LARS1: variants seen among roughly 807,000 people sequenced by gnomAD.
LARS1 encodes leucyl-tRNA synthetase 1.
Under a neutral mutation model 162.8 loss-of-function variants are expected in LARS1, and 100 were observed. The observed-to-expected ratio is 0.61, with a 90% CI of 0.52 to 0.73. The LOEUF (loss-of-function observed/expected upper bound fraction) is 0.73, where lower values mean the gene tolerates loss of function less well. Among genes scored for constraint, LARS1 ranks in the 30% least tolerant of loss-of-function variants. The probability of loss-of-function intolerance (pLI) is 0.00; values close to 1 mark genes in which losing one functional copy is unlikely to be tolerated. For missense variants in LARS1, 1,258 were observed against 1,408.9 expected (o/e 0.89, Z 1.71); for synonymous variants, 457 against 462.8 (o/e 0.99, Z 0.16).
At chr5:146,177,997 C>G (rs1046533105) in intron 1 of LARS1, among the ~76,000 whole-genome samples, 1 of 151,942 alleles carries the variant, frequency 6.6e-6, no homozygotes, top group Non-Finnish European at 1.5e-5. Flanking sequence ...ACTCAGGAGG[C>G]TGAGGCAGGA....
Position 146,160,451 on chromosome 5 carries a change from A to G in LARS1, c.630T>C (p.Val210=), listed in dbSNP as rs772435685. The G allele has an allele frequency of 6.3e-7, 1 of 1,583,212 alleles. No individual in the cohort carries two copies. Among genetic ancestry groups the G allele is most frequent in the South Asian group, 1.2e-5 (1 of 86,742 alleles). ...DWRRSFITTD[V]NPYYDSFVRW... ...TGACAAATGAATCATAGTAAGGATT[A>G]ACATCAGTGGTGATGAAGGAACGAC... is the stretch of plus-strand genomic sequence containing the variant. The change falls in exon 7 of 32, where the codon GTT becomes GTC. Residue 210 remains valine (V), a synonymous_variant. Transcript: ENST00000394434.
chr5:146,120,432 C>T lies in LARS1; in HGVS notation c.3264G>A (p.Arg1088=). 1.9e-6 allele frequency: 3 copies of T among 1,613,350 alleles called. No individual in the cohort carries two copies. The highest frequency in any genetic ancestry group is 2.5e-6 in the Non-Finnish European group (3 of 1,179,488). The part of the protein sequence containing the change: ...NGHFSTKIEI[R]QGDNCDSIIR... ...TTATGGAATCACAGTTATCTCCTTG[C>T]CTGATTTCAATTTTGGTTGAGAAGT... is the stretch of plus-strand genomic sequence containing the variant. Residue 1088 remains arginine (R), a synonymous_variant, in exon 31 of 32, where the codon AGG becomes AGA. Transcript: ENST00000394434.
At chr5:146,143,214 A>G (rs915065591) in intron 19 of LARS1, 130 bp from the exon 20 acceptor site, 1 of 811,090 alleles carries the variant, frequency 1.2e-6, no homozygotes, top group African/African-American at 1.7e-5. Context: ...AATAAGGACA[A>G]CAGCTTCCAT....
At chr5:146,138,119 CAAAA>C (rs35849077) in intron 21 of LARS1, 8 of 118,566 alleles carry the variant, frequency 6.7e-5, no homozygotes, top group South Asian at 2.8e-4. Context: ...GACTCTATCT[CAAAA>C]AAAAAAAAAA....
rs1280074696 is a variant in LARS1 at position 146,131,120 on chromosome 5, CG to C, written c.2397-12del. 2.8e-5 allele frequency: 40 copies of C among 1,412,502 alleles called. No individual in the cohort carries two copies. Among genetic ancestry groups the C allele is most frequent in the Non-Finnish European group, 3.7e-5 (38 of 1,026,002 alleles). The allele number at this position is 1,412,502 out of a possible 1,614,324, so 87.5% of individuals were successfully genotyped here. The stretch of plus-strand genomic sequence containing the variant: ...CCTGCATTCAATTCACTATTGAATA[CG>C]GGGAAAAAAAGGTTATTGAGTTTAA... On this transcript the variant is annotated splice_polypyrimidine_tract_variant and intron_variant, in intron 23 of 31. Coordinates refer to ENST00000394434, the MANE Select transcript of LARS1 (RefSeq NM_020117.11).
chr5:146,182,247 C>A (rs549371507), intron 1 of LARS1: 63 of 572,948 alleles, frequency 1.1e-4, no homozygotes, highest in Non-Finnish European at 1.9e-4. Context: ...GGCTCTCCAC[C>A]TCGATTTTAG....
intron 26 of LARS1, 32 bp from the exon 27 acceptor site, chr5:146,128,814 T>C (rs367860555): frequency 6.4e-7 from 1 of 1,569,890 alleles, no homozygotes; most frequent in Non-Finnish European, 8.7e-7. Context: ...AAACATTCAA[T>C]AGCTTTTATA....
At chr5:146,169,550 T>C (rs916928225) in intron 4 of LARS1, among the ~76,000 whole-genome samples, 12 of 151,824 alleles carry the variant, frequency 7.9e-5, no homozygotes, top group African/African-American at 2.7e-4. Flanking sequence ...TTTTAATTTC[T>C]TTCTTTTTTT....
chr5:146,116,163 G>A (rs1015899241), intron 31 of LARS1, among the ~76,000 whole-genome samples: 1 of 152,184 alleles, frequency 6.6e-6, no homozygotes, highest in African/African-American at 2.4e-5. Flanking sequence ...AATTAAAATG[G>A]GAAGAGAGCA....
chr5:146,144,469 T>TA lies in LARS1; in HGVS notation c.1655+2dup. On this transcript the variant is annotated splice_region_variant and intron_variant, in intron 17 of 31. Transcript: ENST00000394434. ...CCTCCTTCATCACTTTCTCCCATCT[T>TA]ACGTTTCCAGGTTCTTCAAGCACTG... is the stretch of plus-strand genomic sequence containing the variant. 1 of 1,612,688 alleles carries TA rather than the reference T, an allele frequency of 6.2e-7. No individual in the cohort carries two copies. Among genetic ancestry groups the TA allele is most frequent in the Non-Finnish European group, 8.5e-7 (1 of 1,179,538 alleles).
intron 5 of LARS1, 73 bp downstream of exon 5, chr5:146,168,055 A>T: frequency 8.0e-7 from 1 of 1,243,346 alleles, no homozygotes; most frequent in Non-Finnish European, 1.1e-6. Context: ...GCACTGTGCT[A>T]GTACTGGGAA....
At chr5:146,146,839 G>C (rs139383030) in intron 15 of LARS1, among the ~76,000 whole-genome samples, 1 of 151,524 alleles carries the variant, frequency 6.6e-6, no homozygotes, top group African/African-American at 2.4e-5. Context: ...TCAGCCTCCC[G>C]AATAGCTGGA....
chr5:146,122,206 C>A (rs565079070), intron 30 of LARS1, among the ~76,000 whole-genome samples: 1 of 152,158 alleles, frequency 6.6e-6, no homozygotes, highest in African/African-American at 2.4e-5. Flanking sequence ...TAAATAAAAA[C>A]CAGATTTTGA....
chr5:146,159,837 T>C (rs1032967153), intron 7 of LARS1, among the ~76,000 whole-genome samples: 10 of 151,964 alleles, frequency 6.6e-5, no homozygotes, highest in African/African-American at 2.4e-4. Flanking sequence ...TTGATTAATC[T>C]ACATAATCAA....
chr5:146,156,359 A>G (rs1753526813), intron 10 of LARS1, among the ~76,000 whole-genome samples: 2 of 152,222 alleles, frequency 1.3e-5, no homozygotes, highest in Non-Finnish European at 2.9e-5. Context: ...AAAGATCAGC[A>G]TTCACTAAAT....
intron 15 of LARS1, among the ~76,000 whole-genome samples, chr5:146,148,395 G>T (rs1002465397): frequency 3.3e-5 from 5 of 152,170 alleles, no homozygotes; most frequent in African/African-American, 4.8e-5. Flanking sequence ...AGTAAGAAAA[G>T]AAATAGACAG....
At chr5:146,121,411 CAG>C (rs1490254153) in intron 30 of LARS1, among the ~76,000 whole-genome samples, 1 of 152,048 alleles carries the variant, frequency 6.6e-6, no homozygotes, top group Non-Finnish European at 1.5e-5. Flanking sequence ...ACTAAAAAAA[CAG>C]AATGTCCTTC....
chr5:146,126,374 T>G (rs1295241089), intron 28 of LARS1, 61 bp downstream of exon 28: 1 of 1,000,004 alleles, frequency 1.0e-6, no homozygotes, highest in Non-Finnish European at 1.6e-6. Flanking sequence ...TTCCCCATCC[T>G]TCTATTGTCC....
At chr5:146,146,679 T>C (rs1753023249) in intron 15 of LARS1, among the ~76,000 whole-genome samples, 1 of 132,878 alleles carries the variant, frequency 7.5e-6, no homozygotes, top group Admixed American at 8.8e-5. Context: ...CATTCCTAGC[T>C]ATCTTCTCCC....
Sources: allele counts gnomAD v4.1 joint callset (sites outside exome capture counted in the v4.1 genomes callset), GRCh38; gene constraint gnomAD v4.1.1; transcripts MANE v1.5; gene names NCBI Gene and HGNC (gene_info 2026-07-23, HGNC 2026-07-21).